Variants in FHIT observed in about 807,000 individuals in gnomAD.
FHIT encodes the protein bis(5'-adenosyl)-triphosphatase.
In FHIT, 19 loss-of-function variants were observed where a neutral mutation model predicts 17.9. The ratio of observed to expected loss-of-function variants is 1.06; its 90% confidence interval spans 0.74 to 1.56. The LOEUF (loss-of-function observed/expected upper bound fraction) is 1.56. Ranked by LOEUF, FHIT falls within the 40% of genes most tolerant of loss-of-function variation. The probability of loss-of-function intolerance (pLI) is 0.00; values close to 1 mark genes in which losing one functional copy is unlikely to be tolerated. For missense variants in FHIT, 248 were observed against 189.2 expected, an observed-to-expected ratio of 1.31 and a Z score of -1.82; for synonymous variants, 81 against 69.7, an observed-to-expected ratio of 1.16 and a Z score of -0.81.
chr3:59,884,014 TA>T (rs1296116054), intron 8 of FHIT, among the ~76,000 whole-genome samples: 1 of 152,218 alleles, frequency 6.6e-6, no homozygotes, highest in Admixed American at 6.5e-5. Flanking sequence ...TTGTCTTGTT[TA>T]TGTAAACAAA....
chr3:60,597,243 T>C (rs2038299778), intron 4 of FHIT, among the ~76,000 whole-genome samples: 1 of 152,166 alleles, frequency 6.6e-6, no homozygotes, highest in Admixed American at 6.6e-5. Flanking sequence ...CCTGCCTCCC[T>C]AGAGCCCTAA....
chr3:60,638,326 A>C (rs116397627), intron 4 of FHIT, among the ~76,000 whole-genome samples: 1,668 of 152,274 alleles, frequency 0.011, 30 homozygotes, highest in African/African-American at 0.038. Flanking sequence ...TTAATGAAAT[A>C]ATGGGTCTAG....
At chr3:60,386,326 T>TG (rs1701010518) in intron 5 of FHIT, among the ~76,000 whole-genome samples, 1 of 152,142 alleles carries the variant, frequency 6.6e-6, no homozygotes, top group African/African-American at 2.4e-5. Flanking sequence ...TTTTGAGGAA[T>TG]TACCTTTCCG....
chr3:60,574,571 T>C (rs1030964460), intron 4 of FHIT, among the ~76,000 whole-genome samples: 1 of 151,814 alleles, frequency 6.6e-6, no homozygotes, highest in Non-Finnish European at 1.5e-5. Flanking sequence ...CCCCTCCTAA[T>C]CCCTCAAGAA....
chr3:61,062,277 GT>G (rs2034455850), intron 2 of FHIT, among the ~76,000 whole-genome samples: 1 of 151,988 alleles, frequency 6.6e-6, no homozygotes. Context: ...GATATTTTTA[GT>G]TTAATTATTT....
At chr3:60,464,821 C>T (rs983642264) in intron 5 of FHIT, among the ~76,000 whole-genome samples, 2 of 152,134 alleles carry the variant, frequency 1.3e-5, no homozygotes, top group African/African-American at 2.4e-5. Flanking sequence ...GCAATAAACA[C>T]GGGGGTACAG....
At position 59,981,826 on chromosome 3, in the gene FHIT, T is replaced by C. The variant is rs150736912; in HGVS notation, c.279+29545A>G. Reference sequence around the variant, plus strand: ...TCAGCTCTGGAATCGATATTAATCATTTTCTGGAATTCAAGAAAAAGTCTG... The same window carrying C: ...TCAGCTCTGGAATCGATATTAATCACTTTCTGGAATTCAAGAAAAAGTCTG... On this transcript the variant is annotated intron_variant, in intron 7 of 9. Coordinates refer to ENST00000492590, the MANE Select transcript of FHIT (RefSeq NM_002012.4). 8.9e-4 allele frequency among the ~76,000 whole-genome samples: 136 copies of C among 152,250 alleles called. 1 individual carries two copies. The highest frequency in any genetic ancestry group is 3.4e-3 in the Middle Eastern group (1 of 294).
intron 4 of FHIT, among the ~76,000 whole-genome samples, chr3:60,624,772 G>A (rs149491935): frequency 9.2e-5 from 14 of 152,040 alleles, no homozygotes; most frequent in Non-Finnish European, 1.8e-4. Context: ...ATGTTTATAA[G>A]GTTCATCCAT....
chr3:61,104,937 A>G (rs2035946762), intron 2 of FHIT, among the ~76,000 whole-genome samples: 1 of 151,968 alleles, frequency 6.6e-6, no homozygotes, highest in South Asian at 2.1e-4. Context: ...ATTCTTTTCT[A>G]TATTGACTAT....
At chr3:59,832,201 T>C (rs1395758547) in intron 8 of FHIT, among the ~76,000 whole-genome samples, 5 of 152,172 alleles carry the variant, frequency 3.3e-5, no homozygotes, top group Admixed American at 2.0e-4. Flanking sequence ...TATATTTAAG[T>C]TAGACTATTG....
intron 4 of FHIT, among the ~76,000 whole-genome samples, chr3:60,574,083 TACAG>T (rs1462163871): frequency 2.4e-4 from 36 of 152,136 alleles, no homozygotes; most frequent in African/African-American, 7.5e-4. Flanking sequence ...GTGCTGGCAT[TACAG>T]ACGGGAGCCA....
At chr3:60,597,208 G>A (rs1158693065) in intron 4 of FHIT, among the ~76,000 whole-genome samples, 1 of 152,066 alleles carries the variant, frequency 6.6e-6, no homozygotes, top group Non-Finnish European at 1.5e-5. Flanking sequence ...CATTAACATG[G>A]GGGAGAAGAG....
intron 7 of FHIT, among the ~76,000 whole-genome samples, chr3:59,978,758 C>T (rs988159229): frequency 6.6e-6 from 1 of 151,170 alleles, no homozygotes; most frequent in African/African-American, 2.4e-5. Context: ...CTCCCCAAAG[C>T]CCATACAGAA....
chr3:60,202,774 G>A (rs1240741593), intron 5 of FHIT, among the ~76,000 whole-genome samples: 2 of 152,062 alleles, frequency 1.3e-5, no homozygotes, highest in Non-Finnish European at 2.9e-5. Flanking sequence ...TCAAAAGGGG[G>A]TTTTATGTAT....
intron 4 of FHIT, among the ~76,000 whole-genome samples, chr3:60,588,518 A>G (rs1445014636): frequency 6.6e-6 from 1 of 151,970 alleles, no homozygotes; most frequent in African/African-American, 2.4e-5. Flanking sequence ...AAGGAAGGGT[A>G]TAGAGATCAT....
At chr3:60,234,758 T>C (rs7629068) in intron 5 of FHIT, among the ~76,000 whole-genome samples, 67,926 of 151,850 alleles carry the variant, frequency 0.45, 15,543 homozygotes, top group African/African-American at 0.52. Flanking sequence ...CCAAACTGAG[T>C]TTACATTCCC....
intron 7 of FHIT, among the ~76,000 whole-genome samples, chr3:59,964,767 T>A (rs1427429867): frequency 6.6e-6 from 1 of 152,130 alleles, no homozygotes; most frequent in East Asian, 1.9e-4. Context: ...CTAATGTGCA[T>A]AAACAGAAAA....
rs374691493 is a variant in FHIT, at chr3:60,744,268, CAAAA to C, written c.-18+77647_-18+77650del. On this transcript the variant is annotated intron_variant, in intron 4 of 9. Transcript: ENST00000492590. ...ATGTAAAAAAAAAAACAAAACAAAA[CAAAA>C]AAAAAAAAAAACAGAAAGAAAAGAA... 5.5e-4 allele frequency among the ~76,000 whole-genome samples: 44 copies of C among 80,104 alleles called. 3 individuals carry two copies. The South Asian group carries it at 0.011, about 21-fold the overall frequency. The allele number at this position is 80,104 out of a possible 152,430, so 52.6% of individuals were successfully genotyped here.
intron 3 of FHIT, among the ~76,000 whole-genome samples, chr3:60,860,365 C>CATCATATGTATACATGACATAT (rs1703648462): frequency 5.5e-5 from 8 of 144,638 alleles, no homozygotes; most frequent in African/African-American, 2.2e-4. Flanking sequence ...ACATGACATA[C>CATCATATGTATACATGACATAT]ATCATATGTA....
Sources: allele counts gnomAD v4.1 joint callset (sites outside exome capture counted in the v4.1 genomes callset), GRCh38; gene constraint gnomAD v4.1.1; transcripts MANE v1.5; gene names NCBI Gene and HGNC (gene_info 2026-07-23, HGNC 2026-07-21).